Variants in RAPGEF5 observed in about 807,000 individuals in gnomAD.
RAPGEF5 encodes M-Ras-regulated GEF.
A neutral mutation model predicts 125.2 loss-of-function variants in RAPGEF5; 65 were observed. The observed-to-expected ratio is 0.52, with a 90% CI of 0.43 to 0.64. The LOEUF (loss-of-function observed/expected upper bound fraction) is 0.64, where lower values mean the gene tolerates loss of function less well. Among genes scored for constraint, RAPGEF5 ranks in the 30% least tolerant of loss-of-function variants. RAPGEF5 has a pLI of 0.00. For missense variants in RAPGEF5, 958 were observed against 1,048.1 expected (o/e 0.91, Z 1.19); for synonymous variants, 391 against 385.9 (o/e 1.01, Z -0.16).
chr7:22,140,770 C>T (rs1783232762), intron 20 of RAPGEF5, among the ~76,000 whole-genome samples: 1 of 152,146 alleles, frequency 6.6e-6, no homozygotes, highest in African/African-American at 2.4e-5. Context: ...GTCAACATTC[C>T]ACTAATTTCC....
At chr7:22,205,007 G>A (rs1387997440) in intron 9 of RAPGEF5, among the ~76,000 whole-genome samples, 1 of 151,710 alleles carries the variant, frequency 6.6e-6, no homozygotes, top group Non-Finnish European at 1.5e-5. Flanking sequence ...GACAGACTGG[G>A]GGAACAAAAA....
At chr7:22,320,833 G>A (rs978767395) in intron 1 of RAPGEF5, among the ~76,000 whole-genome samples, 1 of 152,100 alleles carries the variant, frequency 6.6e-6, no homozygotes, top group African/African-American at 2.4e-5. Flanking sequence ...AGAAGGCATA[G>A]GATCTAAAGA....
intron 1 of RAPGEF5, among the ~76,000 whole-genome samples, chr7:22,332,441 C>T (rs2128157941): frequency 6.6e-6 from 1 of 152,270 alleles, no homozygotes; most frequent in Admixed American, 6.5e-5. Context: ...GTAAAAAAGT[C>T]ATCATATAAA....
At position 22,150,513 on chromosome 7, in the gene RAPGEF5, G is replaced by GAAA. The variant is rs10668286; in HGVS notation, c.1787-12_1787-10dup. On this transcript the variant is annotated splice_polypyrimidine_tract_variant and intron_variant, in intron 17 of 25. Coordinates refer to ENST00000665637, the MANE Select transcript of RAPGEF5 (RefSeq NM_012294.5). The stretch of plus-strand genomic sequence containing the variant: ...CTGAAGTTCATGCTTTTCTTTATTT[G>GAAA]AAAAAAAAAAAAAAAAAAGGAATAA... 95,171 of 1,297,716 alleles carry GAAA rather than the reference G, an allele frequency of 0.073. 1,240 individuals are homozygous for GAAA. Among genetic ancestry groups the GAAA allele is most frequent in the East Asian group, 0.13 (4,262 of 33,866 alleles). 80.4% of individuals were successfully genotyped at this position (1,297,716 alleles called of 1,614,324 possible). A position where few individuals can be genotyped will look rare whatever the true frequency, so the allele number is the denominator to read the frequency against.
intron 7 of RAPGEF5, among the ~76,000 whole-genome samples, chr7:22,234,453 C>T (rs891455804): frequency 6.6e-6 from 1 of 152,184 alleles, no homozygotes; most frequent in Non-Finnish European, 1.5e-5. Flanking sequence ...AGGCTAGGAG[C>T]TTCACTCTCT....
intron 9 of RAPGEF5, among the ~76,000 whole-genome samples, chr7:22,202,441 A>C (rs1022486326): frequency 2.0e-5 from 3 of 152,148 alleles, no homozygotes; most frequent in Admixed American, 6.6e-5. Flanking sequence ...TACACTCCCC[A>C]AATTCCAAAG....
intron 22 of RAPGEF5, among the ~76,000 whole-genome samples, chr7:22,136,427 T>A (rs1345627868): frequency 6.6e-6 from 1 of 152,192 alleles, no homozygotes; most frequent in African/African-American, 2.4e-5. Flanking sequence ...TTCCTCTGCA[T>A]AATTTATATC....
chr7:22,157,763 G>T, intron 15 of RAPGEF5, 92 bp downstream of exon 15: 1 of 1,362,926 alleles, frequency 7.3e-7, no homozygotes, highest in South Asian at 1.2e-5. Flanking sequence ...GCTCGAGGCA[G>T]TATTCATTTT....
At chr7:22,204,528 T>TTTA (rs1325261166) in intron 9 of RAPGEF5, among the ~76,000 whole-genome samples, 2 of 152,160 alleles carry the variant, frequency 1.3e-5, no homozygotes, top group East Asian at 3.8e-4. Context: ...AGTTTCAGTA[T>TTTA]TTATGCAAGT....
chr7:22,228,285 C>T (rs1056476737), intron 8 of RAPGEF5, among the ~76,000 whole-genome samples: 6 of 152,122 alleles, frequency 3.9e-5, no homozygotes, highest in African/African-American at 1.2e-4. Context: ...GACCTGGCCC[C>T]GTCCCTTACC....
At chr7:22,241,069 A>T (rs895163758) in intron 7 of RAPGEF5, among the ~76,000 whole-genome samples, 2 of 152,176 alleles carry the variant, frequency 1.3e-5, no homozygotes, top group African/African-American at 4.8e-5. Context: ...ACTGAACCTG[A>T]GTCTTTTGAT....
chr7:22,152,722 A>G (rs1041669694), intron 17 of RAPGEF5, among the ~76,000 whole-genome samples: 2 of 152,212 alleles, frequency 1.3e-5, no homozygotes, highest in African/African-American at 4.8e-5. Flanking sequence ...TTGAAGTAGG[A>G]CTAAAATATA....
In RAPGEF5 at chr7:22,118,551, C is replaced by T. The variant is rs1454661792; in HGVS notation, c.*3855G>A. On this transcript the variant is annotated 3_prime_UTR_variant, in exon 26 of 26. Coordinates refer to ENST00000665637, the MANE Select transcript of RAPGEF5 (RefSeq NM_012294.5). ...ACACTGTTAATGGCAATTCTGGTAA[C>T]TCAACAAATGTTTCATATTTACCAG... The T allele has an allele frequency of 6.6e-6, 1 of 152,500 alleles. No homozygotes were observed. Among genetic ancestry groups the T allele is most frequent in the Non-Finnish European group, 1.5e-5 (1 of 68,016 alleles). 9.4% of individuals were successfully genotyped at this position (152,500 alleles called of 1,614,324 possible).
chr7:22,331,589 C>CA (rs1218517652), intron 1 of RAPGEF5, among the ~76,000 whole-genome samples: 2 of 151,758 alleles, frequency 1.3e-5, no homozygotes, highest in Non-Finnish European at 2.9e-5. Context: ...ACTAAAAATA[C>CA]AAAAAATCAG....
chr7:22,142,193 G>A (rs898410056), intron 20 of RAPGEF5, among the ~76,000 whole-genome samples: 1 of 152,180 alleles, frequency 6.6e-6, no homozygotes, highest in Non-Finnish European at 1.5e-5. Flanking sequence ...GGATATGATG[G>A]AGGCCCCACT....
At chr7:22,264,625 T>C (rs536646005) in intron 7 of RAPGEF5, among the ~76,000 whole-genome samples, 2 of 152,302 alleles carry the variant, frequency 1.3e-5, no homozygotes, top group East Asian at 3.9e-4. Flanking sequence ...TCTGGCATAA[T>C]GTGTCCACCC....
At chr7:22,250,560 T>C (rs1185172211) in intron 7 of RAPGEF5, among the ~76,000 whole-genome samples, 1 of 152,168 alleles carries the variant, frequency 6.6e-6, no homozygotes, top group Non-Finnish European at 1.5e-5. Flanking sequence ...AGACTTTTAA[T>C]GTGACGAAGG....
intron 6 of RAPGEF5, among the ~76,000 whole-genome samples, chr7:22,280,172 A>G (rs1252893405): frequency 6.6e-6 from 1 of 152,180 alleles, no homozygotes; most frequent in East Asian, 1.9e-4. Context: ...ATATCCACCA[A>G]TCCACACAAT....
At chr7:22,321,662 TG>T (rs1783717795) in intron 1 of RAPGEF5, among the ~76,000 whole-genome samples, 1 of 152,212 alleles carries the variant, frequency 6.6e-6, no homozygotes, top group Non-Finnish European at 1.5e-5. Flanking sequence ...ATTAAGTTCA[TG>T]ACACAACTTT....
Sources: gnomAD v4.1 joint callset for allele counts (sites outside exome capture counted in the v4.1 genomes callset) on GRCh38, gnomAD v4.1.1 for gene constraint, MANE v1.5 for transcripts, NCBI Gene and HGNC (gene_info 2026-07-23, HGNC 2026-07-21) for gene names.